SCGN: variants seen among roughly 807,000 people sequenced by gnomAD.
SCGN encodes secretagogin.
A neutral mutation model predicts 39.7 loss-of-function variants in SCGN; 30 were observed. The observed-to-expected ratio is 0.76, with a 90% CI of 0.57 to 1.03. The LOEUF (loss-of-function observed/expected upper bound fraction) is 1.03. SCGN is among the 50% of genes least tolerant of loss of function. The pLI is 0.00. For synonymous variants in SCGN, 106 were observed against 114.1 expected, an observed-to-expected ratio of 0.93 and a Z score of 0.45; for missense variants, 353 against 349.4, an observed-to-expected ratio of 1.01 and a Z score of -0.08.
chr6:25,662,707 G>T (rs1192678835), intron 3 of SCGN, among the ~76,000 whole-genome samples: 4 of 152,188 alleles, frequency 2.6e-5, no homozygotes, highest in Non-Finnish European at 5.9e-5. Flanking sequence ...CTAAACTCTA[G>T]ATTTATGAGT....
intron 1 of SCGN, among the ~76,000 whole-genome samples, chr6:25,652,862 G>A (rs1040419): frequency 6.6e-6 from 1 of 151,834 alleles, no homozygotes; most frequent in Non-Finnish European, 1.5e-5. Context: ...TCACTTTTAC[G>A]CAGTGACTTT....
At chr6:25,687,085 T>A (rs1759714937) in intron 7 of SCGN, among the ~76,000 whole-genome samples, 1 of 152,202 alleles carries the variant, frequency 6.6e-6, no homozygotes, top group South Asian at 2.1e-4. Flanking sequence ...ATCTTGATTC[T>A]GTAGATTTGC....
intron 2 of SCGN, 106 bp from the exon 3 acceptor site, chr6:25,661,446 G>A (rs1760335266): frequency 6.4e-6 from 5 of 784,130 alleles, no homozygotes; most frequent in Admixed American, 4.5e-5. Flanking sequence ...TGCTTTCCAT[G>A]TTTGAAAAAC....
chr6:25,662,732 A>G (rs1760358679), intron 3 of SCGN, among the ~76,000 whole-genome samples: 1 of 152,208 alleles, frequency 6.6e-6, no homozygotes, highest in South Asian at 2.1e-4. Context: ...CTGTTTCCAA[A>G]CTTTTAATCA....
chr6:25,670,244 C>A (rs1759477617), intron 6 of SCGN, among the ~76,000 whole-genome samples, 168 bp downstream of exon 6: 2 of 152,178 alleles, frequency 1.3e-5, no homozygotes, highest in Non-Finnish European at 2.9e-5. Context: ...ACTGTTTTAG[C>A]CTCTCTCTTG....
At chr6:25,663,443 C>T (rs1027952434) in intron 3 of SCGN, among the ~76,000 whole-genome samples, 1 of 152,094 alleles carries the variant, frequency 6.6e-6, no homozygotes, top group African/African-American at 2.4e-5. Context: ...TCATCTTTAC[C>T]AACATGGCAG....
chr6:25,695,652 C>T (rs1327508636), intron 10 of SCGN, among the ~76,000 whole-genome samples: 1 of 152,168 alleles, frequency 6.6e-6, no homozygotes, highest in Non-Finnish European at 1.5e-5. Context: ...GCCTCAGCCT[C>T]CTGAGTAGCT....
intron 3 of SCGN, 100 bp downstream of exon 3, chr6:25,661,744 A>G: frequency 1.3e-6 from 1 of 792,696 alleles, no homozygotes; most frequent in Non-Finnish European, 2.0e-6. Context: ...AAGACAATGG[A>G]AACTTTACAT....
Position 25,652,349 on chromosome 6 carries a change from T to TC in SCGN, c.-52dup. On this transcript the variant is annotated 5_prime_UTR_variant, in exon 1 of 11. Transcript: ENST00000377961. ...TCAAGAAATACGGTGAAGGAGTCCT[T>TC]CCCAAAGTTGTCTAGGTCCTTCCGC... 3.5e-6 allele frequency: 5 copies of TC among 1,417,480 alleles called. No homozygotes were observed. Among genetic ancestry groups the TC allele is most frequent in the Non-Finnish European group, 4.0e-6 (4 of 1,001,628 alleles). 87.8% of individuals were successfully genotyped at this position (1,417,480 alleles called of 1,614,324 possible).
intron 10 of SCGN, among the ~76,000 whole-genome samples, chr6:25,695,811 A>C (rs1173994699): frequency 6.6e-6 from 1 of 152,196 alleles, no homozygotes. Flanking sequence ...TATTGCAGGC[A>C]TGAGCCACTC....
chr6:25,677,932 A>G (rs145947450), intron 6 of SCGN, among the ~76,000 whole-genome samples: 1 of 152,352 alleles, frequency 6.6e-6, no homozygotes, highest in African/African-American at 2.4e-5. Context: ...GAAGTTACCC[A>G]GTAATGATTT....
chr6:25,679,416 T>C lies in SCGN; in HGVS notation c.472-2535T>C, dbSNP rs548902703. ...GGAGCCTGTTCTGGCCTAGGAATAC[T>C]TCATCATCATTCCAGCCAGGGTAAA... is the stretch of plus-strand genomic sequence containing the variant. On this transcript the variant is annotated intron_variant, in intron 6 of 10. Coordinates refer to ENST00000377961, the MANE Select transcript of SCGN (RefSeq NM_006998.4). Among the ~76,000 whole-genome samples the C allele has an allele frequency of 5.9e-5, 9 of 152,308 alleles. No homozygotes were observed. In the South Asian group the frequency reaches 1.9e-3, roughly 32 times the overall value.
intron 10 of SCGN, among the ~76,000 whole-genome samples, chr6:25,694,346 A>G (rs1364170433): frequency 6.6e-6 from 1 of 152,248 alleles, no homozygotes; most frequent in African/African-American, 2.4e-5. Context: ...CATAGCAGAC[A>G]AGACATTTTT....
In SCGN at chr6:25,669,531, T is replaced by C. The variant is rs371985858; in HGVS notation, c.357T>C (p.Ala119=). ...TTCAGATTTGGCGCAAATATGACGC[T>C]GACAGCAGTGGCTTTATATCAGCTG... is the stretch of plus-strand genomic sequence containing the variant. ...EFMQIWRKYD[A]DSSGFISAAE... The change falls in exon 5 of 11, where the codon GCT becomes GCC. Residue 119 remains alanine, a synonymous_variant. Coordinates refer to ENST00000377961, the MANE Select transcript of SCGN (RefSeq NM_006998.4). 6.2e-7 allele frequency: 1 copy of C among 1,613,648 alleles called. No homozygotes were observed. The highest frequency in any genetic ancestry group is 8.5e-7 in the Non-Finnish European group (1 of 1,179,656).
In SCGN at chr6:25,689,156, T is replaced by TTTTTTTC; in HGVS notation, c.528-10_528-9insCTTTTTT. On this transcript the variant is annotated splice_polypyrimidine_tract_variant and intron_variant, in intron 7 of 10. Coordinates refer to ENST00000377961, the MANE Select transcript of SCGN (RefSeq NM_006998.4). ...CTGAACGATCCTTACGTGGATTTTT[T>TTTTTTTC]TTTTTTTCTATTTAGGATTCTGGCT... is the stretch of plus-strand genomic sequence containing the variant. 6.4e-7 allele frequency: 1 copy of TTTTTTTC among 1,565,308 alleles called. No individual in the cohort carries two copies.
intron 6 of SCGN, among the ~76,000 whole-genome samples, chr6:25,672,401 G>A (rs1759512012): frequency 6.6e-6 from 1 of 152,182 alleles, no homozygotes; most frequent in Non-Finnish European, 1.5e-5. Context: ...TTAAAAAGTG[G>A]AGTTGGGCCA....
intron 6 of SCGN, among the ~76,000 whole-genome samples, chr6:25,674,743 G>A (rs1759543772): frequency 1.3e-5 from 2 of 152,140 alleles, no homozygotes; most frequent in African/African-American, 4.8e-5. Context: ...GAAAAGCTGA[G>A]GTCTGCACAC....
chr6:25,671,716 C>T (rs144014335), intron 6 of SCGN, among the ~76,000 whole-genome samples: 6 of 152,270 alleles, frequency 3.9e-5, no homozygotes, highest in African/African-American at 1.4e-4. Context: ...TCCTTTTGAC[C>T]TAAGCTCCAG....
intron 7 of SCGN, among the ~76,000 whole-genome samples, chr6:25,683,984 A>C (rs969723048): frequency 2.0e-5 from 3 of 152,218 alleles, no homozygotes; most frequent in Non-Finnish European, 4.4e-5. Flanking sequence ...TTGAAATTCA[A>C]GTGAGACATG....
Sources: gnomAD v4.1 joint callset for allele counts (sites outside exome capture counted in the v4.1 genomes callset) on GRCh38, gnomAD v4.1.1 for gene constraint, MANE v1.5 for transcripts, NCBI Gene and HGNC (gene_info 2026-07-23, HGNC 2026-07-21) for gene names.